Variants in MYLK4 observed in about 807,000 individuals in gnomAD.
MYLK4 encodes the protein myosin light chain kinase family member 4.
Under a neutral mutation model 48.1 loss-of-function variants are expected in MYLK4, and 46 were observed. The ratio of observed to expected loss-of-function variants is 0.96; its 90% CI spans 0.75 to 1.22. MYLK4 has a LOEUF of 1.22. MYLK4 is among the 50% of genes most tolerant of loss of function. The pLI is 0.00. For missense variants in MYLK4, 451 were observed against 486.1 expected (o/e 0.93, Z 0.68); for synonymous variants, 170 against 180.8 (o/e 0.94, Z 0.48).
chr6:2,713,894 C>T (rs1762771072), intron 2 of MYLK4, among the ~76,000 whole-genome samples: 2 of 152,172 alleles, frequency 1.3e-5, no homozygotes, highest in Non-Finnish European at 1.5e-5. Flanking sequence ...CACTCAAACC[C>T]AGGATGAAGA....
chr6:2,766,504 G>A, the MYLK4 span: 2 of 1,443,764 alleles, frequency 1.4e-6, no homozygotes, highest in South Asian at 1.4e-5. Context: ...TGCAGCTGAT[G>A]GTCGGAGAGC....
the MYLK4 span, among the ~76,000 whole-genome samples, chr6:2,763,389 C>CT: frequency 1.3e-5 from 2 of 152,318 alleles, no homozygotes; most frequent in South Asian, 4.1e-4. Flanking sequence ...AGGCAGTAAG[C>CT]AGCGCTTCTC....
At chr6:2,678,997 A>C (rs1761195231) in intron 9 of MYLK4, among the ~76,000 whole-genome samples, 1 of 152,058 alleles carries the variant, frequency 6.6e-6, no homozygotes, top group South Asian at 2.1e-4. Flanking sequence ...CCACCGCGCC[A>C]GGCCATGTGA....
upstream of MYLK4, among the ~76,000 whole-genome samples, chr6:2,752,577 G>A (rs1441591928): frequency 6.6e-6 from 1 of 152,058 alleles, no homozygotes; most frequent in South Asian, 2.1e-4. Flanking sequence ...AGATGGAGAC[G>A]GCTGTGGGAA....
intron 2 of MYLK4, among the ~76,000 whole-genome samples, chr6:2,701,275 A>G (rs1258074003): frequency 1.3e-5 from 2 of 152,004 alleles, no homozygotes; most frequent in African/African-American, 4.8e-5. Context: ...TTATTTTAAG[A>G]TCATTTTTTA....
At chr6:2,759,458 T>C in the MYLK4 span, among the ~76,000 whole-genome samples, 1 of 152,212 alleles carries the variant, frequency 6.6e-6, no homozygotes, top group Non-Finnish European at 1.5e-5. Context: ...TTTCATGAAG[T>C]ACATATTTAT....
intron 2 of MYLK4, among the ~76,000 whole-genome samples, chr6:2,699,598 C>T (rs1762215288): frequency 6.6e-6 from 1 of 151,988 alleles, no homozygotes; most frequent in South Asian, 2.1e-4. Flanking sequence ...TGCCCAGCTG[C>T]TACCATATTT....
At chr6:2,737,490 C>T (rs1203229713) in intron 2 of MYLK4, among the ~76,000 whole-genome samples, 1 of 152,190 alleles carries the variant, frequency 6.6e-6, no homozygotes, top group African/African-American at 2.4e-5. Context: ...CATCTGTTCA[C>T]ATCCTTAGAG....
intron 2 of MYLK4, among the ~76,000 whole-genome samples, chr6:2,743,203 C>G (rs1320962478): frequency 6.6e-6 from 1 of 152,150 alleles, no homozygotes. Context: ...AACCCACCTT[C>G]AGACAGGAAC....
Position 2,665,733 on chromosome 6 carries a change from C to T in MYLK4, c.*2192G>A, listed in dbSNP as rs193150504. On this transcript the variant is annotated 3_prime_UTR_variant, in exon 13 of 13. Transcript: ENST00000274643. ...AGAATGCACACCACAGGACAGAAAA[C>T]GCCCTGCCACGAGGGGCTTCAAATC... The T allele has an allele frequency of 3.9e-5, 6 of 152,288 alleles. No individual in the cohort carries two copies. Among genetic ancestry groups the T allele is most frequent in the Admixed American group, 1.3e-4 (2 of 15,294 alleles). The allele number at this position is 152,288 out of a possible 1,614,324, so 9.4% of individuals were successfully genotyped here. A position where few individuals can be genotyped will look rare whatever the true frequency, so the allele number is the denominator to read the frequency against.
intron 2 of MYLK4, among the ~76,000 whole-genome samples, chr6:2,700,211 A>C (rs943128921): frequency 6.6e-6 from 1 of 151,942 alleles, no homozygotes; most frequent in African/African-American, 2.4e-5. Context: ...CTGCCGCCCC[A>C]CCACCCCACC....
chr6:2,699,642 A>C (rs1231875264), intron 2 of MYLK4, among the ~76,000 whole-genome samples: 2 of 152,084 alleles, frequency 1.3e-5, no homozygotes, highest in Non-Finnish European at 2.9e-5. Flanking sequence ...GACCGTGTGG[A>C]GCCCAGGATG....
upstream of MYLK4, among the ~76,000 whole-genome samples, chr6:2,752,804 C>T (rs1014063804): frequency 6.6e-6 from 1 of 152,294 alleles, no homozygotes; most frequent in East Asian, 1.9e-4. Context: ...TTAATTGTGT[C>T]TACTTGCCCT....
At chr6:2,767,814 G>A in the MYLK4 span, among the ~76,000 whole-genome samples, 5 of 152,190 alleles carry the variant, frequency 3.3e-5, no homozygotes, top group East Asian at 9.6e-4. Context: ...TGCTCAGTGA[G>A]ATGGGCGTTG....
At chr6:2,759,698 T>A in the MYLK4 span, among the ~76,000 whole-genome samples, 20 of 152,328 alleles carry the variant, frequency 1.3e-4, no homozygotes, top group African/African-American at 4.6e-4. Context: ...CATTATTTTT[T>A]AAAAAATAAA....
At chr6:2,682,933 TTCC>T in intron 7 of MYLK4, 85 bp downstream of exon 7, 1 of 1,448,460 alleles carries the variant, frequency 6.9e-7, no homozygotes, top group Non-Finnish European at 9.6e-7. Flanking sequence ...CTGTACCAAT[TTCC>T]CCAGCTGGCA....
intron 2 of MYLK4, among the ~76,000 whole-genome samples, chr6:2,711,681 C>T (rs772420771): frequency 5.3e-5 from 8 of 152,140 alleles, no homozygotes; most frequent in East Asian, 1.9e-4. Flanking sequence ...AGCACTTATT[C>T]GATAAGCTAA....
intron 2 of MYLK4, among the ~76,000 whole-genome samples, chr6:2,745,027 A>AG (rs1388361420): frequency 1.3e-5 from 2 of 152,188 alleles, no homozygotes; most frequent in African/African-American, 4.8e-5. Flanking sequence ...ATGAGTAACT[A>AG]GGGGTGAACA....
intron 3 of MYLK4, among the ~76,000 whole-genome samples, chr6:2,691,613 T>G (rs1456813329): frequency 1.3e-5 from 2 of 152,238 alleles, no homozygotes; most frequent in Non-Finnish European, 2.9e-5. Context: ...GGTTTTTAAC[T>G]TACGGATAAA....
Sources: gnomAD v4.1 joint callset for allele counts (sites outside exome capture counted in the v4.1 genomes callset) on GRCh38, gnomAD v4.1.1 for gene constraint, MANE v1.5 for transcripts, NCBI Gene and HGNC (gene_info 2026-07-23, HGNC 2026-07-21) for gene names.